PRR16: variants seen among roughly 807,000 people sequenced by gnomAD.
PRR16 encodes the protein proline rich 16.
In PRR16, 6 loss-of-function variants were observed where a neutral mutation model predicts 18.2. The ratio of observed to expected loss-of-function variants is 0.33; its 90% CI spans 0.18 to 0.65. PRR16 has a LOEUF of 0.65. PRR16 is among the 30% of genes least tolerant of loss of function. The pLI is 0.74. For synonymous variants in PRR16, 151 were observed against 147.8 expected, an observed-to-expected ratio of 1.02 and a Z score of -0.16; for missense variants, 412 against 376.6, an observed-to-expected ratio of 1.09 and a Z score of -0.78.
intron 1 of PRR16, among the ~76,000 whole-genome samples, chr5:120,645,340 A>G (rs1011405670): frequency 6.0e-5 from 9 of 150,768 alleles, no homozygotes; most frequent in African/African-American, 2.2e-4. Context: ...ACATGCATAC[A>G]CACACACACA....
At chr5:120,762,531 A>G in the PRR16 span, among the ~76,000 whole-genome samples, 1 of 152,064 alleles carries the variant, frequency 6.6e-6, no homozygotes, top group Non-Finnish European at 1.5e-5. Context: ...AAATCTCCCT[A>G]TGTTGCTCAG....
chr5:120,706,170 A>C, the PRR16 span, among the ~76,000 whole-genome samples: 1 of 152,176 alleles, frequency 6.6e-6, no homozygotes, highest in African/African-American at 2.4e-5. Context: ...TCAGAGAGCT[A>C]CTTGAAAGAA....
chr5:120,622,820 A>G (rs1192074048), intron 1 of PRR16, among the ~76,000 whole-genome samples: 1 of 152,058 alleles, frequency 6.6e-6, no homozygotes, highest in African/African-American at 2.4e-5. Flanking sequence ...GCACTCTTTA[A>G]ATCCTGTACT....
the PRR16 span, among the ~76,000 whole-genome samples, chr5:120,728,082 ATTG>A: frequency 1.3e-5 from 2 of 152,006 alleles, no homozygotes; most frequent in Admixed American, 1.3e-4. Flanking sequence ...AATTACATAT[ATTG>A]TTTGATTAAA....
At chr5:120,529,273 T>C (rs1391015157) in intron 1 of PRR16, among the ~76,000 whole-genome samples, 1 of 152,180 alleles carries the variant, frequency 6.6e-6, no homozygotes, top group African/African-American at 2.4e-5. Context: ...TTGTTAATTA[T>C]GATATGATCA....
chr5:120,785,575 G>GTTGTTTTTTTTTTTTTTT, the PRR16 span, among the ~76,000 whole-genome samples: 32 of 115,384 alleles, frequency 2.8e-4, no homozygotes, highest in African/African-American at 5.4e-4. Context: ...TGTTGTTGTT[G>GTTGTTTTTTTTTTTTTTT]TTTTTTTTTT....
chr5:120,501,709 C>A (rs1580655396), intron 1 of PRR16, among the ~76,000 whole-genome samples: 1 of 151,988 alleles, frequency 6.6e-6, no homozygotes, highest in East Asian at 1.9e-4. Flanking sequence ...AGTATATCAG[C>A]ACTTTGGGAG....
At chr5:120,743,091 T>C in the PRR16 span, among the ~76,000 whole-genome samples, 1 of 152,220 alleles carries the variant, frequency 6.6e-6, no homozygotes, top group Admixed American at 6.5e-5. Flanking sequence ...AATGTAACTA[T>C]TTATAGGTTC....
the PRR16 span, among the ~76,000 whole-genome samples, chr5:120,702,022 A>AGCT: frequency 5.9e-5 from 9 of 152,046 alleles, no homozygotes; most frequent in Non-Finnish European, 7.4e-5. Flanking sequence ...AGTTTTTGAG[A>AGCT]ACACAGGCCA....
chr5:120,760,064 CTTGTT>C, the PRR16 span, among the ~76,000 whole-genome samples: 1 of 152,094 alleles, frequency 6.6e-6, no homozygotes, highest in African/African-American at 2.4e-5. Flanking sequence ...AATATGCGTA[CTTGTT>C]GATAAAGTTG....
chr5:120,656,743 T>G (rs1035330841), intron 1 of PRR16, among the ~76,000 whole-genome samples: 1 of 152,000 alleles, frequency 6.6e-6, no homozygotes, highest in Admixed American at 6.6e-5. Context: ...TGACTTAGTA[T>G]CATACATAAG....
the PRR16 span, among the ~76,000 whole-genome samples, chr5:120,775,898 T>C: frequency 6.6e-6 from 1 of 150,616 alleles, no homozygotes; most frequent in Non-Finnish European, 1.5e-5. Flanking sequence ...TACACCCACC[T>C]TGGTCTCCCA....
chr5:120,794,122 TCTCA>T, the PRR16 span, among the ~76,000 whole-genome samples: 1 of 152,006 alleles, frequency 6.6e-6, no homozygotes, highest in African/African-American at 2.4e-5. Context: ...CTATAATCTC[TCTCA>T]CTCATCAACA....
chr5:120,470,682 A>G (rs550934480), intron 1 of PRR16, among the ~76,000 whole-genome samples: 2 of 152,274 alleles, frequency 1.3e-5, no homozygotes, highest in South Asian at 4.1e-4. Flanking sequence ...ACTCTCTGCC[A>G]GGTACTCTTC....
chr5:120,545,700 C>T (rs1752053963), intron 1 of PRR16, among the ~76,000 whole-genome samples: 1 of 151,792 alleles, frequency 6.6e-6, no homozygotes. Context: ...ATATTAATAC[C>T]ATATTACACT....
At chr5:120,726,441 T>A in the PRR16 span, among the ~76,000 whole-genome samples, 678 of 152,122 alleles carry the variant, frequency 4.5e-3, 5 homozygotes, top group African/African-American at 0.015. Context: ...AGTATTTTGA[T>A]TTTTTTAAAA....
intron 1 of PRR16, among the ~76,000 whole-genome samples, chr5:120,486,551 T>G (rs1330209076): frequency 1.3e-5 from 2 of 152,280 alleles, no homozygotes; most frequent in East Asian, 3.9e-4. Context: ...TATTAGCCCT[T>G]TGTCAGATGA....
At chr5:120,728,503 C>A in the PRR16 span, among the ~76,000 whole-genome samples, 1 of 151,884 alleles carries the variant, frequency 6.6e-6, no homozygotes, top group African/African-American at 2.4e-5. Context: ...GGCAATTATA[C>A]CTGTCCAGAT....
chr5:120,701,343 C>T, the PRR16 span, among the ~76,000 whole-genome samples: 22 of 152,010 alleles, frequency 1.4e-4, no homozygotes, highest in Non-Finnish European at 2.9e-4. Flanking sequence ...GGGTCTAGGG[C>T]TGTAAAGTGT....
Sources: gnomAD v4.1 joint callset for allele counts (sites outside exome capture counted in the v4.1 genomes callset) on GRCh38, gnomAD v4.1.1 for gene constraint, MANE v1.5 for transcripts, NCBI Gene and HGNC (gene_info 2026-07-23, HGNC 2026-07-21) for gene names.